Variants in EMC3 observed in about 807,000 individuals in gnomAD.
EMC3 encodes the protein ER membrane protein complex subunit 3.
Under a neutral mutation model 36.6 loss-of-function variants are expected in EMC3, and 13 were observed. The ratio of observed to expected loss-of-function variants is 0.35; its 90% CI spans 0.23 to 0.56. EMC3 has a LOEUF of 0.56. Ranked by LOEUF, EMC3 falls within the 20% of genes least tolerant of loss-of-function variation. The pLI is 0.84. For missense variants in EMC3, 220 were observed against 324.5 expected, an observed-to-expected ratio of 0.68 and a Z score of 2.47; for synonymous variants, 120 against 111.9, an observed-to-expected ratio of 1.07 and a Z score of -0.46.
At chr3:9,993,593 A>G (rs1276560030) in intron 1 of EMC3, among the ~76,000 whole-genome samples, 1 of 151,418 alleles carries the variant, frequency 6.6e-6, no homozygotes, top group Non-Finnish European at 1.5e-5. Flanking sequence ...GTAATTTTCT[A>G]GACACGGAAA....
chr3:9,980,769 A>T (rs1326247683), intron 1 of EMC3, among the ~76,000 whole-genome samples: 1 of 152,102 alleles, frequency 6.6e-6, no homozygotes, highest in African/African-American at 2.4e-5. Context: ...CTAGATTAAT[A>T]GTATCTGTTA....
rs1364677709 is a variant in EMC3 at position 9,963,473 on chromosome 3, A to ATTT, written c.*595_*596insAAA. ...AAGATAGATATATATATATATATAT[A>ATTT]TATATTTTTTTTTTTTTTTCAGATG... On this transcript the variant is annotated 3_prime_UTR_variant, in exon 8 of 8. Coordinates refer to ENST00000245046, the MANE Select transcript of EMC3 (RefSeq NM_001394674.1). 9 of 111,366 alleles carry ATTT rather than the reference A, an allele frequency of 8.1e-5. 1 individual carries two copies. The highest frequency in any genetic ancestry group is 3.1e-4 in the African/African-American group (9 of 28,966). The allele number at this position is 111,366 out of a possible 1,614,324, so 6.9% of individuals were successfully genotyped here. A position where few individuals can be genotyped will look rare whatever the true frequency, so the allele number is the denominator to read the frequency against.
intron 1 of EMC3, among the ~76,000 whole-genome samples, chr3:10,002,238 C>A (rs1437008214): frequency 7.3e-6 from 1 of 137,346 alleles, no homozygotes; most frequent in Non-Finnish European, 1.6e-5. Context: ...ATAGCTCTTT[C>A]CATTTATTTA....
upstream of EMC3, chr3:9,988,355 C>T: frequency 8.6e-6 from 9 of 1,040,500 alleles, no homozygotes; most frequent in South Asian, 1.0e-4. Context: ...AATTTTTTTC[C>T]TCTCTGCTAC....
chr3:9,995,833 T>A (rs1288056281), intron 1 of EMC3, among the ~76,000 whole-genome samples: 1 of 152,080 alleles, frequency 6.6e-6, no homozygotes, highest in Non-Finnish European at 1.5e-5. Flanking sequence ...TTTGTGTTTT[T>A]AAACCTCTTT....
upstream of EMC3, chr3:9,987,244 A>G: frequency 2.0e-6 from 2 of 983,466 alleles, no homozygotes; most frequent in South Asian, 4.7e-5. Flanking sequence ...AAAGAAAACT[A>G]CAGGCGGGGA....
At chr3:10,005,405 C>T (rs887535593) in intron 1 of EMC3, among the ~76,000 whole-genome samples, 3 of 152,152 alleles carry the variant, frequency 2.0e-5, no homozygotes, top group African/African-American at 2.4e-5. Flanking sequence ...GGCCCCAGAA[C>T]GCTCCCTGGG....
intron 1 of EMC3, among the ~76,000 whole-genome samples, chr3:9,982,398 C>T (rs894050891): frequency 4.6e-5 from 7 of 152,066 alleles, no homozygotes; most frequent in African/African-American, 7.2e-5. Flanking sequence ...GGATTACAGG[C>T]GCGTCCCACC....
At chr3:9,971,457 G>T (rs1407810341) in intron 5 of EMC3, among the ~76,000 whole-genome samples, 4 of 152,168 alleles carry the variant, frequency 2.6e-5, no homozygotes, top group Non-Finnish European at 4.4e-5. Flanking sequence ...CAACAAGTGG[G>T]TCACATAAGG....
At chr3:9,975,966 A>T (rs1488172287) in intron 3 of EMC3, among the ~76,000 whole-genome samples, 1 of 152,128 alleles carries the variant, frequency 6.6e-6, no homozygotes, top group Non-Finnish European at 1.5e-5. Context: ...ATACAACCTT[A>T]GTCACTCTCA....
upstream of EMC3, chr3:9,986,872 G>A: frequency 1.5e-6 from 2 of 1,369,296 alleles, no homozygotes; most frequent in Admixed American, 3.1e-5. Context: ...ACGTCGTGGC[G>A]CACCTCAGTG....
chr3:10,000,374 G>C (rs189167136), intron 1 of EMC3, among the ~76,000 whole-genome samples: 19 of 152,330 alleles, frequency 1.2e-4, no homozygotes, highest in Non-Finnish European at 2.1e-4. Flanking sequence ...CACCATCTTT[G>C]TGAGAAGTTG....
intron 4 of EMC3, among the ~76,000 whole-genome samples, chr3:9,974,170 G>A (rs908729930): frequency 6.6e-6 from 1 of 152,190 alleles, no homozygotes; most frequent in African/African-American, 2.4e-5. Flanking sequence ...AAGCTAGCAA[G>A]TCACTTGCTT....
At chr3:9,984,992 A>G (rs2085954501) in intron 1 of EMC3, among the ~76,000 whole-genome samples, 1 of 152,260 alleles carries the variant, frequency 6.6e-6, no homozygotes, top group African/African-American at 2.4e-5. Context: ...AGTACTTCAC[A>G]TAGTACCTGA....
chr3:9,969,994 G>C (rs1215530855), intron 6 of EMC3, among the ~76,000 whole-genome samples, 193 bp from the exon 7 acceptor site: 1 of 152,204 alleles, frequency 6.6e-6, no homozygotes, highest in Admixed American at 6.5e-5. Flanking sequence ...AACAGCAAAA[G>C]AGAGATCACT....
At chr3:9,990,161 A>G (rs1257841737), upstream of EMC3, among the ~76,000 whole-genome samples, 1 of 151,346 alleles carries the variant, frequency 6.6e-6, no homozygotes, top group East Asian at 1.9e-4. Context: ...AGTAGCTGGG[A>G]CTACAGGCGC....
chr3:9,977,150 G>T, intron 2 of EMC3, 100 bp from the exon 3 acceptor site: 1 of 973,282 alleles, frequency 1.0e-6, no homozygotes, highest in Non-Finnish European at 1.5e-6. Context: ...TTTAGGATAT[G>T]CTGTTCCGCT....
chr3:10,004,645 C>G (rs1257302619), intron 1 of EMC3: 1 of 152,356 alleles, frequency 6.6e-6, no homozygotes, highest in Non-Finnish European at 1.5e-5. Context: ...CCAGCTCCAC[C>G]ACGTGGCCCT....
chr3:10,001,715 G>C (rs903080872), intron 1 of EMC3, among the ~76,000 whole-genome samples: 1 of 152,026 alleles, frequency 6.6e-6, no homozygotes, highest in Non-Finnish European at 1.5e-5. Context: ...ATTGAAATCA[G>C]GGCTGGGTGC....
Sources: allele counts gnomAD v4.1 joint callset (sites outside exome capture counted in the v4.1 genomes callset), GRCh38; gene constraint gnomAD v4.1.1; transcripts MANE v1.5; gene names NCBI Gene and HGNC (gene_info 2026-07-23, HGNC 2026-07-21).